Variants in LPP observed in about 807,000 individuals in gnomAD.
The protein encoded by LPP is lipoma-preferred partner.
In LPP, 38 loss-of-function variants were observed where a neutral mutation model predicts 60.4. The observed-to-expected ratio is 0.63, with a 90% CI of 0.49 to 0.83. The LOEUF is 0.83. Among genes scored for constraint, LPP ranks in the 40% least tolerant of loss-of-function variants. The pLI is 0.00. For missense variants in LPP, 902 were observed against 783.6 expected (o/e 1.15, Z -1.80); for synonymous variants, 328 against 290.8 (o/e 1.13, Z -1.30).
chr3:188,695,380 C>A (rs1019601811), intron 7 of LPP, among the ~76,000 whole-genome samples: 1 of 152,196 alleles, frequency 6.6e-6, no homozygotes, highest in African/African-American at 2.4e-5. Context: ...TTCTTCCCCT[C>A]GGCTGCAGTG....
intron 9 of LPP, among the ~76,000 whole-genome samples, chr3:188,790,850 A>G (rs1743473150): frequency 6.6e-6 from 1 of 151,856 alleles, no homozygotes; most frequent in Non-Finnish European, 1.5e-5. Context: ...CATATAGCGT[A>G]GAATTCAGCT....
intron 8 of LPP, among the ~76,000 whole-genome samples, chr3:188,751,229 A>T (rs1337783647): frequency 6.6e-6 from 1 of 152,188 alleles, no homozygotes; most frequent in Non-Finnish European, 1.5e-5. Flanking sequence ...TTCCTACCAC[A>T]AAAGCTAAAA....
chr3:188,295,648 C>T (rs1747617407), intron 2 of LPP, among the ~76,000 whole-genome samples: 1 of 152,134 alleles, frequency 6.6e-6, no homozygotes, highest in South Asian at 2.1e-4. Flanking sequence ...AGCAATCCTC[C>T]CGCCTCAGCC....
chr3:188,273,205 A>C (rs1577741689), intron 2 of LPP, among the ~76,000 whole-genome samples: 1 of 152,330 alleles, frequency 6.6e-6, no homozygotes, highest in East Asian at 1.9e-4. Context: ...AATCATGTGA[A>C]CCATAGTATT....
At chr3:188,268,713 G>A (rs1736521211) in intron 2 of LPP, among the ~76,000 whole-genome samples, 1 of 152,180 alleles carries the variant, frequency 6.6e-6, no homozygotes, top group Non-Finnish European at 1.5e-5. Flanking sequence ...GGTAGAGAAG[G>A]ATTGTGGGGA....
chr3:188,378,065 A>T (rs997223933), intron 3 of LPP, among the ~76,000 whole-genome samples: 1 of 152,050 alleles, frequency 6.6e-6, no homozygotes. Context: ...ATTCCTCTGG[A>T]AGTTTTGTCT....
intron 3 of LPP, among the ~76,000 whole-genome samples, chr3:188,343,874 T>C (rs1243237589): frequency 6.6e-6 from 1 of 152,158 alleles, no homozygotes; most frequent in African/African-American, 2.4e-5. Context: ...GAAGAAAGAA[T>C]AACAGTTTCA....
At chr3:188,509,334 T>C (rs1814514133) in intron 5 of LPP, among the ~76,000 whole-genome samples, 1 of 152,216 alleles carries the variant, frequency 6.6e-6, no homozygotes, top group South Asian at 2.1e-4. Context: ...TTGGTATTAT[T>C]GCTCCCTTAT....
At chr3:188,155,864 A>G (rs972091203) in intron 1 of LPP, among the ~76,000 whole-genome samples, 1 of 151,958 alleles carries the variant, frequency 6.6e-6, no homozygotes, top group Non-Finnish European at 1.5e-5. Flanking sequence ...AAATACAAAA[A>G]ATTAGCTGGG....
chr3:188,480,754 GAA>G (rs762908141), intron 4 of LPP, among the ~76,000 whole-genome samples: 2 of 152,206 alleles, frequency 1.3e-5, no homozygotes, highest in Non-Finnish European at 2.9e-5. Flanking sequence ...GTAGGTCACA[GAA>G]TCTGGGAGGC....
At chr3:188,827,819 C>T (rs1400267573) in intron 9 of LPP, among the ~76,000 whole-genome samples, 3 of 152,158 alleles carry the variant, frequency 2.0e-5, no homozygotes, top group Non-Finnish European at 4.4e-5. Flanking sequence ...TCTCATCGTC[C>T]TCTTCACTGA....
intron 4 of LPP, among the ~76,000 whole-genome samples, chr3:188,463,338 T>C (rs568540241): frequency 1.4e-5 from 2 of 147,500 alleles, no homozygotes; most frequent in East Asian, 4.1e-4. Context: ...TATAGGTGTG[T>C]GTCATCATGC....
At chr3:188,272,172 A>G (rs1363638851) in intron 2 of LPP, among the ~76,000 whole-genome samples, 2 of 152,174 alleles carry the variant, frequency 1.3e-5, no homozygotes, top group Non-Finnish European at 2.9e-5. Context: ...ATGCTTTGCA[A>G]TTTGAGGCCT....
chr3:188,423,127 G>T (rs996150435), intron 4 of LPP, among the ~76,000 whole-genome samples: 2 of 151,866 alleles, frequency 1.3e-5, no homozygotes, highest in African/African-American at 4.8e-5. Context: ...AGGACATAGT[G>T]TGTGATGTAC....
At chr3:188,372,757 G>A (rs569379747) in intron 3 of LPP, among the ~76,000 whole-genome samples, 1 of 151,140 alleles carries the variant, frequency 6.6e-6, no homozygotes, top group Admixed American at 6.6e-5. Context: ...TGTACAACGT[G>A]CAGGTTTGTT....
At position 188,633,259 on chromosome 3, in the gene LPP, C is replaced by T. The variant is rs138745696; in HGVS notation, c.1113+23415C>T. On this transcript the variant is annotated intron_variant, in intron 7 of 11. Coordinates refer to ENST00000617246, the MANE Select transcript of LPP (RefSeq NM_001375462.1). Reference sequence around the variant, plus strand: ...CATCAACCAGTCTAAACAGAACCCACCCGGGTCACCTCCCACGTCACTGCT... The same window carrying T: ...CATCAACCAGTCTAAACAGAACCCATCCGGGTCACCTCCCACGTCACTGCT... Among the ~76,000 whole-genome samples the T allele has an allele frequency of 9.2e-5, 14 of 152,310 alleles. No homozygotes were observed. In the East Asian group the frequency reaches 2.5e-3, roughly 27 times the overall value.
At chr3:188,439,777 ACCTTCTAT>A (rs1793316412) in intron 4 of LPP, among the ~76,000 whole-genome samples, 1 of 152,182 alleles carries the variant, frequency 6.6e-6, no homozygotes, top group Non-Finnish European at 1.5e-5. Flanking sequence ...GCCCTTGGGA[ACCTTCTAT>A]CCTAGTTATT....
At chr3:188,539,450 G>A (rs1318806896) in intron 6 of LPP, among the ~76,000 whole-genome samples, 1 of 152,168 alleles carries the variant, frequency 6.6e-6, no homozygotes, top group East Asian at 1.9e-4. Context: ...GCTTGAGAAA[G>A]CAGAATGAAA....
intron 4 of LPP, among the ~76,000 whole-genome samples, chr3:188,437,839 A>G (rs1214008041): frequency 6.6e-6 from 1 of 152,204 alleles, no homozygotes; most frequent in Non-Finnish European, 1.5e-5. Flanking sequence ...CATGTTGAAG[A>G]AATTGGGAGC....
Sources: gnomAD v4.1 joint callset for allele counts (sites outside exome capture counted in the v4.1 genomes callset) on GRCh38, gnomAD v4.1.1 for gene constraint, MANE v1.5 for transcripts, NCBI Gene and HGNC (gene_info 2026-07-23, HGNC 2026-07-21) for gene names.